The following BMP6 variants were observed in gnomAD, a reference collection of about 807,000 sequenced individuals.
BMP6 encodes VG-1-R.
In BMP6, 17 loss-of-function variants were observed where a neutral mutation model predicts 54.1. That is an observed-to-expected ratio of 0.31 (90% CI 0.22 to 0.47). The LOEUF (loss-of-function observed/expected upper bound fraction) is 0.47, where lower values mean the gene tolerates loss of function less well. BMP6 is among the 20% of genes least tolerant of loss of function. The pLI is 1.00. For synonymous variants in BMP6, 328 were observed against 291.2 expected (o/e 1.13, Z -1.28); for missense variants, 720 against 690.4 (o/e 1.04, Z -0.48).
chr6:7,785,541 C>G (rs1434379969), intron 1 of BMP6, among the ~76,000 whole-genome samples: 1 of 152,096 alleles, frequency 6.6e-6, no homozygotes, highest in Non-Finnish European at 1.5e-5. Context: ...GAAGGAGGCA[C>G]TTTTGTTTTC....
chr6:7,855,114 G>A (rs1293128027), intron 2 of BMP6, among the ~76,000 whole-genome samples: 2 of 152,204 alleles, frequency 1.3e-5, no homozygotes, highest in African/African-American at 4.8e-5. Context: ...GACTTGTGGA[G>A]CAGCCTACAT....
chr6:7,800,905 CGG>C (rs1443292478), intron 1 of BMP6, among the ~76,000 whole-genome samples: 4 of 15,306 alleles, frequency 2.6e-4, no homozygotes, highest in Non-Finnish European at 5.3e-4. Flanking sequence ...TAAAATAAAG[CGG>C]GGGGAGGGGG....
In BMP6 at chr6:7,727,289, G is replaced by C. The variant is rs201486498; in HGVS notation, c.334G>C (p.Glu112Gln). 58 of 1,605,910 alleles carry C rather than the reference G, an allele frequency of 3.6e-5. No individual in the cohort carries two copies. Among genetic ancestry groups the C allele is most frequent in the East Asian group, 9.0e-5 (4 of 44,412 alleles). Reference protein sequence around the residue: ...PQPPALRQQEEQQQQQQLPRG... With the variant: ...PQPPALRQQEQQQQQQQLPRG... ...GCCCCCGGCGCTCCGGCAGCAGGAG[G>C]AGCAGCAGCAGCAGCAGCAGCTGCC... is the stretch of plus-strand genomic sequence containing the variant. The change falls in exon 1 of 7, where the codon GAG becomes CAG. Residue 112 changes from glutamate to glutamine, a missense_variant. Coordinates refer to ENST00000283147, the MANE Select transcript of BMP6 (RefSeq NM_001718.6).
At chr6:7,845,410 A>T in intron 2 of BMP6, 78 bp downstream of exon 2, 1 of 1,388,132 alleles carries the variant, frequency 7.2e-7, no homozygotes, top group South Asian at 1.4e-5. Flanking sequence ...AACCCCAGCT[A>T]TGTCTGTGCA....
chr6:7,794,064 C>T (rs937102895), intron 1 of BMP6, among the ~76,000 whole-genome samples: 28 of 152,218 alleles, frequency 1.8e-4, no homozygotes, highest in African/African-American at 6.8e-4. Flanking sequence ...ATGGGTAAGG[C>T]TCGTACTCAG....
chr6:7,786,282 A>G (rs960765745), intron 1 of BMP6, among the ~76,000 whole-genome samples: 2 of 151,946 alleles, frequency 1.3e-5, no homozygotes, highest in Non-Finnish European at 2.9e-5. Flanking sequence ...TCTCCTCTCT[A>G]CTACTGGGAA....
At position 7,737,108 on chromosome 6, in the gene BMP6, C is replaced by T. The variant is rs190551763; in HGVS notation, c.664+9489C>T. On this transcript the variant is annotated intron_variant, in intron 1 of 6. Coordinates refer to ENST00000283147, the MANE Select transcript of BMP6 (RefSeq NM_001718.6). Reference sequence around the variant, plus strand: ...GGCTGAAGCAGGAGAATCGCTTGAACCCGGGAGGCAGAGATTTCAGTGAGC... The same window carrying T: ...GGCTGAAGCAGGAGAATCGCTTGAATCCGGGAGGCAGAGATTTCAGTGAGC... 7.1e-3 allele frequency among the ~76,000 whole-genome samples: 1,078 copies of T among 152,154 alleles called. 4 individuals are homozygous for T. Among genetic ancestry groups the T allele is most frequent in the Non-Finnish European group, 0.011 (716 of 67,980 alleles).
chr6:7,808,589 A>G (rs886377346), intron 1 of BMP6, among the ~76,000 whole-genome samples: 18 of 152,182 alleles, frequency 1.2e-4, no homozygotes, highest in Admixed American at 5.9e-4. Flanking sequence ...ATTTCCAACT[A>G]GCACCAAACT....
rs537174469 is a variant in BMP6 at position 7,821,023 on chromosome 6, A to G, written c.665-24117A>G. On this transcript the variant is annotated intron_variant, in intron 1 of 6. Coordinates refer to ENST00000283147, the MANE Select transcript of BMP6 (RefSeq NM_001718.6). ...CATGCACCTTCTGCTGTGCGGCCCA[A>G]TCCCTAACAGGGCACAGGCCAGTGC... Among the ~76,000 whole-genome samples the G allele has an allele frequency of 8.5e-5, 13 of 152,332 alleles. No individual in the cohort carries two copies. The South Asian group carries it at 2.5e-3, about 29-fold the overall frequency.
chr6:7,778,376 T>C (rs536035336), intron 1 of BMP6, among the ~76,000 whole-genome samples: 5 of 152,210 alleles, frequency 3.3e-5, no homozygotes, highest in Non-Finnish European at 5.9e-5. Flanking sequence ...TTGAGGTAGT[T>C]GCTGTTATTC....
intron 1 of BMP6, among the ~76,000 whole-genome samples, chr6:7,827,272 A>T (rs13196935): frequency 0.08 from 12,202 of 152,246 alleles, 568 homozygotes; most frequent in Non-Finnish European, 0.1. Flanking sequence ...ACAGCACGTT[A>T]AGTGAGCAGT....
intron 3 of BMP6, among the ~76,000 whole-genome samples, chr6:7,861,965 G>A (rs1759342324): frequency 6.6e-6 from 1 of 152,182 alleles, no homozygotes; most frequent in Non-Finnish European, 1.5e-5. Context: ...CACTCCTCCT[G>A]CAGCATCAGA....
At chr6:7,784,679 G>A (rs1757996793) in intron 1 of BMP6, among the ~76,000 whole-genome samples, 1 of 152,206 alleles carries the variant, frequency 6.6e-6, no homozygotes, top group African/African-American at 2.4e-5. Context: ...ATATGAGCAA[G>A]GGGGAAGATC....
intron 1 of BMP6, among the ~76,000 whole-genome samples, chr6:7,759,573 A>G (rs1379291415): frequency 3.3e-5 from 5 of 152,052 alleles, no homozygotes; most frequent in Non-Finnish European, 4.4e-5. Flanking sequence ...TCTTGCCTTG[A>G]ACCTGCTTTG....
intron 1 of BMP6, among the ~76,000 whole-genome samples, chr6:7,808,715 A>T (rs969636010): frequency 6.6e-6 from 1 of 151,942 alleles, no homozygotes; most frequent in East Asian, 1.9e-4. Context: ...GGAGTTTGAG[A>T]CCAGCCTGGG....
intron 1 of BMP6, among the ~76,000 whole-genome samples, chr6:7,731,055 C>G (rs574973727): frequency 1.3e-5 from 2 of 152,278 alleles, no homozygotes; most frequent in South Asian, 4.1e-4. Context: ...AGCGCAAGTG[C>G]TGGTCATCCA....
intron 4 of BMP6, among the ~76,000 whole-genome samples, chr6:7,875,455 CTTG>C (rs1475703279): frequency 2.6e-5 from 4 of 152,104 alleles, no homozygotes; most frequent in Admixed American, 2.6e-4. Flanking sequence ...AGGCAGGAGG[CTTG>C]CTTGAGGCTA....
chr6:7,861,643 G>T (rs372126726), intron 3 of BMP6, 44 bp downstream of exon 3: 184 of 1,608,368 alleles, frequency 1.1e-4, no homozygotes, highest in Non-Finnish European at 1.5e-4. Context: ...CAAGTCATCA[G>T]TTTCACACAT....
chr6:7,729,316 C>G (rs1321327548), intron 1 of BMP6, among the ~76,000 whole-genome samples: 2 of 151,456 alleles, frequency 1.3e-5, no homozygotes, highest in African/African-American at 4.9e-5. Context: ...TCCTTCCACC[C>G]TCACCCCCCG....
Sources: allele counts gnomAD v4.1 joint callset (sites outside exome capture counted in the v4.1 genomes callset), GRCh38; gene constraint gnomAD v4.1.1; transcripts MANE v1.5; gene names NCBI Gene and HGNC (gene_info 2026-07-23, HGNC 2026-07-21).